CPNE5: variants seen among roughly 807,000 people sequenced by gnomAD.
CPNE5 encodes the protein copine-5.
Under a neutral mutation model 81.1 loss-of-function variants are expected in CPNE5, and 42 were observed. The observed-to-expected ratio is 0.52, with a 90% CI of 0.40 to 0.67. CPNE5 has a LOEUF of 0.67. CPNE5 is among the 30% of genes least tolerant of loss of function. The pLI, the probability that CPNE5 is intolerant of heterozygous loss-of-function variation, is 0.00. For missense variants in CPNE5, 612 were observed against 815.5 expected, an observed-to-expected ratio of 0.75 and a Z score of 3.04; for synonymous variants, 313 against 321.5, an observed-to-expected ratio of 0.97 and a Z score of 0.28.
chr6:36,826,702 G>A (rs931550540), intron 1 of CPNE5, among the ~76,000 whole-genome samples: 9 of 152,188 alleles, frequency 5.9e-5, no homozygotes, highest in East Asian at 1.9e-4. Flanking sequence ...GATGAAGGAC[G>A]ACCAAAAAGA....
chr6:36,795,713 T>G (rs769992645), intron 6 of CPNE5, among the ~76,000 whole-genome samples: 3 of 152,144 alleles, frequency 2.0e-5, no homozygotes, highest in Non-Finnish European at 4.4e-5. Flanking sequence ...AAAATCAATT[T>G]TTCTTATTTA....
At chr6:36,777,769 CACA>C (rs1267627444) in intron 9 of CPNE5, among the ~76,000 whole-genome samples, 1,385 of 27,152 alleles carry the variant, frequency 0.051, 53 homozygotes, top group African/African-American at 0.12. Flanking sequence ...CCCCCCACCA[CACA>C]CACACACACA....
At chr6:36,762,433 G>T (rs1235981246) in intron 12 of CPNE5, among the ~76,000 whole-genome samples, 6 of 152,072 alleles carry the variant, frequency 3.9e-5, no homozygotes, top group Admixed American at 3.9e-4. Flanking sequence ...TGCCTTGTCC[G>T]AGGCTCTCCA....
chr6:36,767,401 C>G (rs1049116735), intron 10 of CPNE5, among the ~76,000 whole-genome samples: 1 of 152,198 alleles, frequency 6.6e-6, no homozygotes. Flanking sequence ...AAATTGAGCC[C>G]TAAGAGCCTC....
intron 1 of CPNE5, among the ~76,000 whole-genome samples, chr6:36,834,718 G>A (rs988538426): frequency 6.6e-6 from 1 of 151,890 alleles, no homozygotes; most frequent in Non-Finnish European, 1.5e-5. Flanking sequence ...GATGTAAAGT[G>A]CCTAGCATGC....
At chr6:36,770,988 G>T (rs768002974) in intron 10 of CPNE5, among the ~76,000 whole-genome samples, 1 of 151,900 alleles carries the variant, frequency 6.6e-6, no homozygotes, top group African/African-American at 2.4e-5. Flanking sequence ...GCCCTCAAAC[G>T]CTGAACCATT....
intron 1 of CPNE5, among the ~76,000 whole-genome samples, chr6:36,829,135 A>G (rs1383418862): frequency 6.6e-6 from 1 of 152,046 alleles, no homozygotes; most frequent in Admixed American, 6.6e-5. Flanking sequence ...CTTGCCCACC[A>G]CTGCTGACTG....
intron 10 of CPNE5, among the ~76,000 whole-genome samples, chr6:36,772,101 G>T (rs1767089582): frequency 6.6e-6 from 1 of 152,066 alleles, no homozygotes; most frequent in Non-Finnish European, 1.5e-5. Context: ...GACAAAGCTG[G>T]CTCCTGCAAC....
intron 7 of CPNE5, among the ~76,000 whole-genome samples, chr6:36,793,745 C>T (rs1769307082): frequency 6.6e-6 from 1 of 152,214 alleles, no homozygotes; most frequent in Non-Finnish European, 1.5e-5. Context: ...GCCGGAGGCC[C>T]CTTCCCCACC....
At chr6:36,834,808 A>T (rs1773327897) in intron 1 of CPNE5, among the ~76,000 whole-genome samples, 1 of 152,088 alleles carries the variant, frequency 6.6e-6, no homozygotes, top group African/African-American at 2.4e-5. Context: ...CAATGGTTAA[A>T]TGGACTTCTT....
At chr6:36,794,513 C>T (rs1019583548) in intron 7 of CPNE5, 77 bp downstream of exon 7, 1 of 1,385,002 alleles carries the variant, frequency 7.2e-7, no homozygotes, top group African/African-American at 1.4e-5. Context: ...AGGGACGAGG[C>T]CCAGACTCTG....
intron 1 of CPNE5, among the ~76,000 whole-genome samples, chr6:36,828,868 C>T (rs1040430281): frequency 6.6e-6 from 1 of 152,172 alleles, no homozygotes; most frequent in Non-Finnish European, 1.5e-5. Context: ...CCCTTACTTG[C>T]TATATGACCT....
chr6:36,822,938 C>T, intron 2 of CPNE5, 120 bp downstream of exon 2: 1 of 780,420 alleles, frequency 1.3e-6, no homozygotes, highest in Non-Finnish European at 1.9e-6. Context: ...ACAGGCTTGA[C>T]ACACTTTGAA....
intron 20 of CPNE5, chr6:36,743,367 T>A (rs544046617): frequency 8.4e-6 from 4 of 475,808 alleles, no homozygotes; most frequent in Admixed American, 6.4e-5. Flanking sequence ...GCCTCAGCCT[T>A]CAAGGGGCAG....
intron 3 of CPNE5, among the ~76,000 whole-genome samples, chr6:36,807,180 C>T (rs1463380180): frequency 1.3e-5 from 2 of 152,206 alleles, no homozygotes; most frequent in Non-Finnish European, 2.9e-5. Flanking sequence ...GAATCACTGG[C>T]CCTAGCTTTG....
chr6:36,768,226 T>TTTTTTTCTTTTTTTTTTC (rs1491570568), intron 10 of CPNE5, among the ~76,000 whole-genome samples: 1 of 44,916 alleles, frequency 2.2e-5, no homozygotes, highest in African/African-American at 1.0e-4. Flanking sequence ...TTCACAGTTC[T>TTTTTTTCTTTTTTTTTTC]TTTTTTTTTT....
chr6:36,798,405 T>A, intron 5 of CPNE5, 50 bp downstream of exon 5: 1 of 1,593,670 alleles, frequency 6.3e-7, no homozygotes, highest in Non-Finnish European at 8.6e-7. Context: ...ACCCAGAGGA[T>A]GGCATTTCAG....
chr6:36,796,504 G>A lies in CPNE5; in HGVS notation c.404+1661C>T, dbSNP rs114732753. On this transcript the variant is annotated intron_variant, in intron 6 of 20. Transcript: ENST00000244751. ...CAACCCAGGTAAAGCCACGGGTGGG[G>A]GTGCTGCTGGAAAGAGCAGATGCTA... Among the ~76,000 whole-genome samples the A allele has an allele frequency of 4.6e-3, 696 of 152,326 alleles. 10 individuals carry two copies. The highest frequency in any genetic ancestry group is 0.016 in the African/African-American group (654 of 41,570).
At position 36,830,986 on chromosome 6, in the gene CPNE5, C is replaced by T. The variant is rs568239367; in HGVS notation, c.96-7888G>A. ...TTCTGCCTAGCAATGTGCTTCCATG[C>T]CTGCCTCTCTCTACCCTTCATCAGT... On this transcript the variant is annotated intron_variant, in intron 1 of 20. Transcript: ENST00000244751. Among the ~76,000 whole-genome samples the T allele has an allele frequency of 1.2e-4, 19 of 152,276 alleles. No individual in the cohort carries two copies. In the South Asian group the frequency reaches 3.5e-3, roughly 28 times the overall value.
Sources: gnomAD v4.1 joint callset for allele counts (sites outside exome capture counted in the v4.1 genomes callset) on GRCh38, gnomAD v4.1.1 for gene constraint, MANE v1.5 for transcripts, NCBI Gene and HGNC (gene_info 2026-07-23, HGNC 2026-07-21) for gene names.